The following TMEM132B variants were observed in gnomAD, a reference collection of about 807,000 sequenced individuals.
The protein encoded by TMEM132B is transmembrane protein 132B.
TMEM132B carries 18 observed loss-of-function variants against 90.8 expected under a neutral mutation model. The observed-to-expected ratio is 0.20, with a 90% CI of 0.14 to 0.29. The LOEUF (loss-of-function observed/expected upper bound fraction) is 0.29. TMEM132B is among the 10% of genes least tolerant of loss of function. The pLI, the probability that TMEM132B is intolerant of heterozygous loss-of-function variation, is 1.00. For synonymous variants in TMEM132B, 504 were observed against 523.3 expected, an observed-to-expected ratio of 0.96 and a Z score of 0.50; for missense variants, 1,096 against 1,326.8, an observed-to-expected ratio of 0.83 and a Z score of 2.70.
chr12:125,394,729 A>T (rs1208765158), intron 2 of TMEM132B, among the ~76,000 whole-genome samples: 1 of 152,214 alleles, frequency 6.6e-6, no homozygotes, highest in African/African-American at 2.4e-5. Context: ...TGTGCTGTAA[A>T]AATAAGTCTG....
Position 125,490,088 on chromosome 12 carries a change from A to G in TMEM132B, c.1107-29351A>G, listed in dbSNP as rs1366703059. ...TAGTTATGTTGGGGGGAGTTACTCC[A>G]GAGATTAACTCTGTAAAGAATGCTA... On this transcript the variant is annotated intron_variant, in intron 3 of 8. Coordinates refer to ENST00000682704, the MANE Select transcript of TMEM132B (RefSeq NM_001366854.1). The surrounding 1 kb of genome is among the most constrained non-coding windows in gnomAD (Gnocchi z 4.2). 6.6e-6 allele frequency among the ~76,000 whole-genome samples: 1 copy of G among 152,236 alleles called. No individual in the cohort carries two copies. The highest frequency in any genetic ancestry group is 1.9e-4 in the East Asian group (1 of 5,200).
chr12:125,435,072 C>T (rs1472424678), intron 3 of TMEM132B, among the ~76,000 whole-genome samples: 1 of 152,174 alleles, frequency 6.6e-6, no homozygotes, highest in Non-Finnish European at 1.5e-5. Context: ...CAGATTGTCT[C>T]TTCTTAAGGG....
rs546199334 is a variant in TMEM132B, at chr12:125,404,710, C to A, written c.960-10821C>A. Among the ~76,000 whole-genome samples the A allele has an allele frequency of 1.5e-4, 23 of 152,284 alleles. No homozygotes were observed. The East Asian group carries it at 4.2e-3, about 28-fold the overall frequency. ...TCAATGGTTATCCAAGGCCTCACAG[C>A]TAGTCCTTCTTGCAGCTGGAATTAA... On this transcript the variant is annotated intron_variant, in intron 2 of 8. Transcript: ENST00000682704.
chr12:125,579,951 T>C (rs192316457), intron 4 of TMEM132B, among the ~76,000 whole-genome samples: 1 of 152,206 alleles, frequency 6.6e-6, no homozygotes, highest in African/African-American at 2.4e-5. Context: ...TTTGTTGTAG[T>C]AGCTGTTGAT....
At chr12:125,470,716 A>T (rs983458838) in intron 3 of TMEM132B, among the ~76,000 whole-genome samples, 1 of 152,168 alleles carries the variant, frequency 6.6e-6, no homozygotes, top group Non-Finnish European at 1.5e-5. Flanking sequence ...TGGGGACCCA[A>T]TCCAGACACC....
chr12:125,293,704 G>A (rs1875599318), intron 1 of TMEM132B, among the ~76,000 whole-genome samples: 1 of 152,112 alleles, frequency 6.6e-6, no homozygotes, highest in Non-Finnish European at 1.5e-5. Flanking sequence ...ACCACTAATG[G>A]GCACCTAGGT....
intron 1 of TMEM132B, among the ~76,000 whole-genome samples, chr12:125,290,072 G>T (rs1040588379): frequency 6.6e-6 from 1 of 152,146 alleles, no homozygotes; most frequent in African/African-American, 2.4e-5. Flanking sequence ...AGTGGTGATT[G>T]TTTCTTCATT....
intron 5 of TMEM132B, among the ~76,000 whole-genome samples, chr12:125,639,226 C>T (rs1334487719): frequency 6.6e-6 from 1 of 152,204 alleles, no homozygotes; most frequent in African/African-American, 2.4e-5. Flanking sequence ...AGTTAAAAGG[C>T]CAATTGACCA....
At chr12:125,257,165 G>T (rs1485285500) in intron 1 of TMEM132B, among the ~76,000 whole-genome samples, 1 of 152,146 alleles carries the variant, frequency 6.6e-6, no homozygotes, top group African/African-American at 2.4e-5. Context: ...AAAAAATCTG[G>T]TGTGGGGATG....
rs1421062563 is a variant in TMEM132B, at chr12:125,564,536, T to C, written c.1294-19315T>C. ...TTCTGTCCATAAGACAGATTGTTCG[T>C]GAAAGCTTCTTAATTAGACAAGCTC... On this transcript the variant is annotated intron_variant, in intron 4 of 8. Coordinates refer to ENST00000682704, the MANE Select transcript of TMEM132B (RefSeq NM_001366854.1). Among the ~76,000 whole-genome samples the C allele has an allele frequency of 5.3e-5, 8 of 152,346 alleles. No individual in the cohort carries two copies. The East Asian group carries it at 1.5e-3, about 29-fold the overall frequency.
chr12:125,573,846 G>T (rs1401428308), intron 4 of TMEM132B, among the ~76,000 whole-genome samples: 2 of 152,158 alleles, frequency 1.3e-5, no homozygotes, highest in African/African-American at 4.8e-5. Context: ...AAGAGTGCTT[G>T]TGAGGAAATT....
intron 3 of TMEM132B, among the ~76,000 whole-genome samples, chr12:125,432,366 A>AAAATATATATATAT (rs1199430670): frequency 8.4e-5 from 1 of 11,916 alleles, no homozygotes; most frequent in African/African-American, 2.7e-4. Flanking sequence ...GAATTCCTTG[A>AAAATATATATATAT]ATATATATAT....
intron 4 of TMEM132B, among the ~76,000 whole-genome samples, chr12:125,527,852 G>A (rs1283074271): frequency 6.6e-6 from 1 of 152,204 alleles, no homozygotes; most frequent in Non-Finnish European, 1.5e-5. Flanking sequence ...ACTATGTGCT[G>A]GATTCATAAT....
At chr12:125,562,937 C>G (rs1022464807) in intron 4 of TMEM132B, among the ~76,000 whole-genome samples, 1 of 151,902 alleles carries the variant, frequency 6.6e-6, no homozygotes, top group Middle Eastern at 3.2e-3. Context: ...ATTAGGGTTA[C>G]TAACAGACTT....
intron 3 of TMEM132B, among the ~76,000 whole-genome samples, chr12:125,501,115 T>C (rs1882684896): frequency 1.3e-5 from 2 of 152,216 alleles, no homozygotes; most frequent in Admixed American, 6.5e-5. Flanking sequence ...ACTTGTCTTT[T>C]GGTAATTGGA....
chr12:125,558,087 C>T (rs371617643), intron 4 of TMEM132B, among the ~76,000 whole-genome samples: 2 of 152,204 alleles, frequency 1.3e-5, no homozygotes, highest in East Asian at 1.9e-4. Flanking sequence ...ATCATCCGTC[C>T]TTCGTTTCCT....
chr12:125,440,833 C>T (rs1016517693), intron 3 of TMEM132B, among the ~76,000 whole-genome samples: 1 of 152,108 alleles, frequency 6.6e-6, no homozygotes, highest in Admixed American at 6.5e-5. Context: ...CTGGAGAAAG[C>T]GGAAACTCAA....
chr12:125,297,904 G>A (rs11058132), intron 1 of TMEM132B, among the ~76,000 whole-genome samples: 46,161 of 151,926 alleles, frequency 0.3, 7,330 homozygotes, highest in East Asian at 0.53. Context: ...CATTATCCAC[G>A]CTCCTTTCTC....
intron 2 of TMEM132B, among the ~76,000 whole-genome samples, chr12:125,359,147 T>G (rs531977985): frequency 3.9e-5 from 6 of 152,338 alleles, no homozygotes; most frequent in Admixed American, 2.0e-4. Flanking sequence ...CTTGAATCAC[T>G]GCATTTCTTA....
Sources: allele counts gnomAD v4.1 joint callset (sites outside exome capture counted in the v4.1 genomes callset), GRCh38; gene constraint gnomAD v4.1.1; non-coding constraint Gnocchi (gnomAD v3.1); transcripts MANE v1.5; gene names NCBI Gene and HGNC (gene_info 2026-07-23, HGNC 2026-07-21).